Variants in AUTS2 observed in about 807,000 individuals in gnomAD.
The protein encoded by AUTS2 is autism susceptibility gene 2 protein.
In AUTS2, 17 loss-of-function variants were observed where a neutral mutation model predicts 112.4. That is an observed-to-expected ratio of 0.15 (90% CI 0.10 to 0.23). The LOEUF is 0.23. Among genes scored for constraint, AUTS2 ranks in the 10% least tolerant of loss-of-function variants. The pLI is 1.00. For synonymous variants in AUTS2, 751 were observed against 702.7 expected (o/e 1.07, Z -1.09); for missense variants, 1,510 against 1,701.6 (o/e 0.89, Z 1.98).
chr7:70,638,100 G>C (rs932902388), intron 5 of AUTS2, among the ~76,000 whole-genome samples: 1 of 152,008 alleles, frequency 6.6e-6, no homozygotes, highest in Non-Finnish European at 1.5e-5. Context: ...CTGGATGAAG[G>C]GTTTGGGGAG....
intron 2 of AUTS2, among the ~76,000 whole-genome samples, chr7:69,905,895 T>A (rs1324839773): frequency 1.3e-5 from 2 of 152,216 alleles, no homozygotes; most frequent in African/African-American, 4.8e-5. Context: ...ATAATTCAGC[T>A]TGGGTGATCC....
intron 10 of AUTS2, among the ~76,000 whole-genome samples, chr7:70,769,585 T>C (rs1790200579): frequency 6.6e-6 from 1 of 152,156 alleles, no homozygotes; most frequent in Non-Finnish European, 1.5e-5. Context: ...CTCGGGAGGC[T>C]GAGGCAGGAG....
intron 5 of AUTS2, among the ~76,000 whole-genome samples, chr7:70,611,704 T>C (rs1804102069): frequency 6.6e-6 from 1 of 152,240 alleles, no homozygotes; most frequent in Admixed American, 6.5e-5. Flanking sequence ...AATGGATAAC[T>C]ATCTGCACTT....
At chr7:70,636,416 C>G (rs1024723089) in intron 5 of AUTS2, among the ~76,000 whole-genome samples, 1 of 152,148 alleles carries the variant, frequency 6.6e-6, no homozygotes, top group African/African-American at 2.4e-5. Context: ...ACTATTAAGA[C>G]AGATCACTTC....
chr7:69,793,012 C>T (rs1466161714), intron 1 of AUTS2, among the ~76,000 whole-genome samples: 1 of 152,090 alleles, frequency 6.6e-6, no homozygotes, highest in Non-Finnish European at 1.5e-5. Context: ...CTGTTCAGTC[C>T]CTTTTCCTAG....
At chr7:70,491,649 C>G (rs1055971771) in intron 5 of AUTS2, among the ~76,000 whole-genome samples, 1 of 149,614 alleles carries the variant, frequency 6.7e-6, no homozygotes, top group South Asian at 2.1e-4. Context: ...GAGTCTCACT[C>G]TGTTGTCCAG....
intron 12 of AUTS2, 55 bp downstream of exon 12, chr7:70,774,154 C>T (rs1177141922): frequency 1.0e-5 from 16 of 1,543,036 alleles, no homozygotes; most frequent in Admixed American, 1.7e-5. Context: ...TGTGTTTGCA[C>T]GGGACGGCCA....
intron 2 of AUTS2, among the ~76,000 whole-genome samples, chr7:69,974,113 T>C (rs1418034967): frequency 1.3e-5 from 2 of 151,914 alleles, no homozygotes; most frequent in East Asian, 1.9e-4. Context: ...ATTTAAGTTA[T>C]TGGGCTACTT....
Position 70,233,579 on chromosome 7 carries a change from A to G in AUTS2, c.660+99008A>G, listed in dbSNP as rs549682365. On this transcript the variant is annotated intron_variant, in intron 4 of 18. Transcript: ENST00000342771. ...AATTGCGGGCAGATACATTTGTCAAATTTAACTTAATCCCTTGGCTTTTAT... is the reference window on the plus strand; with the variant it reads ...AATTGCGGGCAGATACATTTGTCAAGTTTAACTTAATCCCTTGGCTTTTAT... 2.0e-5 allele frequency among the ~76,000 whole-genome samples: 3 copies of G among 152,328 alleles called. No individual in the cohort carries two copies. The South Asian group carries it at 6.2e-4, about 32-fold the overall frequency.
At chr7:69,663,684 A>G (rs1795906644) in intron 1 of AUTS2, among the ~76,000 whole-genome samples, 1 of 152,142 alleles carries the variant, frequency 6.6e-6, no homozygotes, top group Non-Finnish European at 1.5e-5. Context: ...GTTTAGATGG[A>G]TGGGGAGGTA....
At chr7:70,053,169 C>T (rs993612009) in intron 2 of AUTS2, among the ~76,000 whole-genome samples, 1 of 151,948 alleles carries the variant, frequency 6.6e-6, no homozygotes, top group Non-Finnish European at 1.5e-5. Flanking sequence ...AGCCAAAATA[C>T]CTTTCTTAAC....
chr7:70,337,181 C>G (rs935105732), intron 4 of AUTS2, among the ~76,000 whole-genome samples: 5 of 152,174 alleles, frequency 3.3e-5, no homozygotes, highest in African/African-American at 1.2e-4. Context: ...TGATCAGATT[C>G]GCTTATGCTG....
At position 70,777,987 on chromosome 7, in the gene AUTS2, C is replaced by T. The variant is rs138265513; in HGVS notation, c.2004+813C>T. On this transcript the variant is annotated intron_variant, in intron 14 of 18. Coordinates refer to ENST00000342771, the MANE Select transcript of AUTS2 (RefSeq NM_015570.4). The stretch of plus-strand genomic sequence containing the variant: ...TGCCGCTGAACTGTCATTGGTCCTC[C>T]TGATGGTCAGTGCCAGGGATTGGAA... Among the ~76,000 whole-genome samples the T allele has an allele frequency of 3.9e-3, 596 of 152,312 alleles. 3 individuals are homozygous for T. The highest frequency in any genetic ancestry group is 6.6e-3 in the Non-Finnish European group (451 of 68,030).
intron 2 of AUTS2, among the ~76,000 whole-genome samples, chr7:70,003,923 AATAT>A (rs1204261429): frequency 1.2e-4 from 10 of 80,390 alleles, no homozygotes; most frequent in African/African-American, 3.0e-4. Flanking sequence ...GTTATATATG[AATAT>A]ATATATTATA....
intron 5 of AUTS2, among the ~76,000 whole-genome samples, chr7:70,668,129 G>A (rs1382189366): frequency 2.0e-5 from 3 of 152,210 alleles, no homozygotes; most frequent in Non-Finnish European, 4.4e-5. Context: ...TTAGGTGTGT[G>A]CCACCACGCC....
intron 4 of AUTS2, among the ~76,000 whole-genome samples, chr7:70,359,973 C>T (rs750083824): frequency 4.7e-4 from 71 of 152,050 alleles, no homozygotes; most frequent in Admixed American, 9.8e-4. Context: ...AGCAGAAGCA[C>T]GGGTTTTTAT....
intron 2 of AUTS2, among the ~76,000 whole-genome samples, chr7:70,026,637 G>A (rs1800536624): frequency 6.6e-6 from 1 of 152,220 alleles, no homozygotes; most frequent in African/African-American, 2.4e-5. Context: ...AGTTGGGAAA[G>A]TTTCCTAACT....
chr7:69,921,264 G>C (rs1033437790), intron 2 of AUTS2, among the ~76,000 whole-genome samples: 4 of 150,550 alleles, frequency 2.7e-5, no homozygotes, highest in African/African-American at 9.8e-5. Flanking sequence ...AATTTCCAAA[G>C]CAGGATGCAT....
chr7:70,556,111 G>C (rs537006464), intron 5 of AUTS2, among the ~76,000 whole-genome samples: 92 of 152,264 alleles, frequency 6.0e-4, no homozygotes, highest in Middle Eastern at 3.4e-3. Flanking sequence ...TGGCCAAGAA[G>C]CTTCTAATCA....
Sources: gnomAD v4.1 joint callset for allele counts (sites outside exome capture counted in the v4.1 genomes callset) on GRCh38, gnomAD v4.1.1 for gene constraint, MANE v1.5 for transcripts, NCBI Gene and HGNC (gene_info 2026-07-23, HGNC 2026-07-21) for gene names.